Variants in CNOT4 observed in about 807,000 individuals in gnomAD.
The protein encoded by CNOT4 is CCR4-associated factor 4.
Under a neutral mutation model 73.8 loss-of-function variants are expected in CNOT4, and 8 were observed. The ratio of observed to expected loss-of-function variants is 0.11; its 90% CI spans 0.06 to 0.20. CNOT4 has a LOEUF of 0.20. Among genes scored for constraint, CNOT4 ranks in the 10% least tolerant of loss-of-function variants. CNOT4 has a pLI of 1.00. For missense variants in CNOT4, 564 were observed against 883.4 expected (o/e 0.64, Z 4.58); for synonymous variants, 293 against 321.1 (o/e 0.91, Z 0.94).
At chr7:135,448,541 A>G (rs1290468814) in intron 1 of CNOT4, among the ~76,000 whole-genome samples, 1 of 140,412 alleles carries the variant, frequency 7.1e-6, no homozygotes, top group Non-Finnish European at 1.6e-5. Context: ...AAGAAAAAAA[A>G]AGGGAGGGAG....
intron 1 of CNOT4, among the ~76,000 whole-genome samples, chr7:135,495,504 C>CAAAAAA (rs150007748): frequency 3.7e-5 from 2 of 54,712 alleles, no homozygotes; most frequent in African/African-American, 1.6e-4. Context: ...GACTCTGCCT[C>CAAAAAA]AAAAAAAAAA....
chr7:135,484,935 G>A (rs536370482), intron 1 of CNOT4, among the ~76,000 whole-genome samples: 8 of 152,116 alleles, frequency 5.3e-5, no homozygotes, highest in South Asian at 2.1e-4. Flanking sequence ...AAATGCTAAC[G>A]TAAAATCAAA....
At position 135,438,230 on chromosome 7, in the gene CNOT4, G is replaced by T; in HGVS notation, c.102C>A (p.Gly34=). ...GCCAACAAAATCGGCAAATCTGGTA[G>T]CCACAGGTGCAAGGGAAAAAGTTGA... ...DDINFFPCTC[G]YQICRFCWHR... The change falls in exon 2 of 12, where the codon GGC becomes GGA. Residue 34 remains glycine (G), a synonymous_variant. Transcript: ENST00000541284. The T allele has an allele frequency of 6.2e-7, 1 of 1,612,342 alleles. No individual in the cohort carries two copies. Among genetic ancestry groups the T allele is most frequent in the East Asian group, 2.2e-5 (1 of 44,864 alleles).
chr7:135,398,021 G>C (rs1481129452), intron 8 of CNOT4, 148 bp downstream of exon 8: 3 of 650,394 alleles, frequency 4.6e-6, no homozygotes, highest in Admixed American at 5.9e-5. Context: ...GGGGGGAAAA[G>C]GCTAATTATA....
At chr7:135,424,689 TGAGGCAGGAGAACTGCTTGAACCTGG>T (rs755657182) in intron 2 of CNOT4, among the ~76,000 whole-genome samples, 2 of 152,118 alleles carry the variant, frequency 1.3e-5, no homozygotes, top group Middle Eastern at 3.2e-3. Context: ...CTTGGGAGGC[TGAGGCAGGAGAACTGCTTGAACCTGG>T]GAGGCAGAGG....
intron 2 of CNOT4, among the ~76,000 whole-genome samples, chr7:135,422,743 C>A (rs1446787734): frequency 6.6e-6 from 1 of 152,020 alleles, no homozygotes; most frequent in East Asian, 1.9e-4. Context: ...TTATAATTAA[C>A]AAATATTTAA....
chr7:135,405,901 C>CA (rs1447736122), intron 7 of CNOT4, among the ~76,000 whole-genome samples: 1 of 151,994 alleles, frequency 6.6e-6, no homozygotes, highest in Admixed American at 6.6e-5. Flanking sequence ...TGCTTTCTTG[C>CA]AATTCTTTCT....
intron 10 of CNOT4, among the ~76,000 whole-genome samples, chr7:135,385,359 A>C (rs1370452088): frequency 1.3e-5 from 2 of 152,234 alleles, no homozygotes; most frequent in South Asian, 2.1e-4. Context: ...ATTTCAAAGC[A>C]ACTGCAATTT....
chr7:135,438,025 A>G (rs1029997462), intron 2 of CNOT4, 133 bp downstream of exon 2: 1 of 514,762 alleles, frequency 1.9e-6, no homozygotes, highest in Admixed American at 3.5e-5. Context: ...TATATCTTAA[A>G]ATAATACACA....
At chr7:135,459,849 G>C (rs1289282798) in intron 1 of CNOT4, among the ~76,000 whole-genome samples, 1 of 152,178 alleles carries the variant, frequency 6.6e-6, no homozygotes, top group Non-Finnish European at 1.5e-5. Flanking sequence ...CTAGAAGGCT[G>C]TTTCACCTAC....
chr7:135,438,412 G>T lies in CNOT4; in HGVS notation c.-81C>A. 1 of 1,142,566 alleles carries T rather than the reference G, an allele frequency of 8.8e-7. No individual in the cohort carries two copies. The highest frequency in any genetic ancestry group is 1.9e-5 in the South Asian group (1 of 51,492). 70.8% of individuals were successfully genotyped at this position (1,142,566 alleles called of 1,614,324 possible). A position where few individuals can be genotyped will look rare whatever the true frequency, so the allele number is the denominator to read the frequency against. Reference sequence around the variant, plus strand: ...TTCAGCACTGAAAGCTAAAATGTAGGACTTTGACGACCTGCATGAGAAGAA... The same window carrying T: ...TTCAGCACTGAAAGCTAAAATGTAGTACTTTGACGACCTGCATGAGAAGAA... On this transcript the variant is annotated 5_prime_UTR_variant, in exon 2 of 12. Coordinates refer to ENST00000541284, the MANE Select transcript of CNOT4 (RefSeq NM_001190850.2).
chr7:135,383,969 T>TG (rs113306828), intron 10 of CNOT4, among the ~76,000 whole-genome samples: 5,333 of 152,214 alleles, frequency 0.035, 323 homozygotes, highest in African/African-American at 0.12. Context: ...TTTCCACTCC[T>TG]ATGCTTTGTG....
At chr7:135,433,377 G>A (rs1479449661) in intron 2 of CNOT4, among the ~76,000 whole-genome samples, 13 of 118,036 alleles carry the variant, frequency 1.1e-4, no homozygotes, top group Non-Finnish European at 2.0e-4. Flanking sequence ...TTTTTCTTGA[G>A]GTAGTATCTT....
At chr7:135,502,581 G>A (rs540680695) in intron 1 of CNOT4, among the ~76,000 whole-genome samples, 1,786 of 152,260 alleles carry the variant, frequency 0.012, 40 homozygotes, top group African/African-American at 0.041. Context: ...TTGGGAGGCC[G>A]AAGCGGGCAG....
At chr7:135,388,861 A>C (rs1245030659) in intron 10 of CNOT4, 1 of 1,613,082 alleles carries the variant, frequency 6.2e-7, no homozygotes, top group Non-Finnish European at 8.5e-7. Context: ...AGAGGTTGAC[A>C]GTGGCATGGT....
In CNOT4 at chr7:135,444,144, A is replaced by AAT. The variant is rs1799663913; in HGVS notation, c.-92-5722_-92-5721insAT. The stretch of plus-strand genomic sequence containing the variant: ...GGAGACAGTGAAACCCTGTTTCAAA[A>AAT]AATAATAATAATAATAATAATAATA... On this transcript the variant is annotated intron_variant, in intron 1 of 11. Transcript: ENST00000541284. Among the ~76,000 whole-genome samples, 3 of 149,534 alleles carry AAT rather than the reference A, an allele frequency of 2.0e-5. 1 individual carries two copies. Among genetic ancestry groups the AAT allele is most frequent in the African/African-American group, 7.4e-5 (3 of 40,662 alleles).
chr7:135,500,679 T>C (rs1585741237), intron 1 of CNOT4, among the ~76,000 whole-genome samples: 1 of 152,204 alleles, frequency 6.6e-6, no homozygotes, highest in Non-Finnish European at 1.5e-5. Flanking sequence ...AGGGAGTTGG[T>C]AGCTAGAAAT....
chr7:135,372,176 C>G (rs541364361), intron 10 of CNOT4, among the ~76,000 whole-genome samples: 1 of 152,200 alleles, frequency 6.6e-6, no homozygotes. Flanking sequence ...TCCTTGCTGA[C>G]GATCTCTCTT....
At chr7:135,501,361 T>C (rs995796049) in intron 1 of CNOT4, among the ~76,000 whole-genome samples, 32 of 152,252 alleles carry the variant, frequency 2.1e-4, no homozygotes, top group African/African-American at 7.2e-4. Context: ...GGATAACAAA[T>C]TGCAGTTTAC....
Sources: gnomAD v4.1 joint callset for allele counts (sites outside exome capture counted in the v4.1 genomes callset) on GRCh38, gnomAD v4.1.1 for gene constraint, MANE v1.5 for transcripts, NCBI Gene and HGNC (gene_info 2026-07-23, HGNC 2026-07-21) for gene names.